Variants in PTPRD observed in about 807,000 individuals in gnomAD.
The protein encoded by PTPRD is receptor-type tyrosine-protein phosphatase delta.
A neutral mutation model predicts 214.5 loss-of-function variants in PTPRD; 34 were observed. That is an observed-to-expected ratio of 0.16 (90% CI 0.12 to 0.21). The LOEUF is 0.21. PTPRD is among the 10% of genes least tolerant of loss of function. The pLI is 1.00. For missense variants in PTPRD, 2,545 were observed against 2,398.7 expected, an observed-to-expected ratio of 1.06 and a Z score of -1.27; for synonymous variants, 1,128 against 845.7, an observed-to-expected ratio of 1.33 and a Z score of -5.79.
In PTPRD at chr9:9,317,459, C is replaced by G. The variant is rs145621862; in HGVS notation, c.-203+79990G>C. ...GGTGAATGCAAGTGCCCTAGGCTTT[C>G]TTTTAACTCCTTTCCACAATTAGGG... On this transcript the variant is annotated intron_variant, in intron 9 of 45. Transcript: ENST00000381196. Among the ~76,000 whole-genome samples the G allele has an allele frequency of 4.9e-3, 751 of 152,192 alleles. 4 individuals carry two copies. Among genetic ancestry groups the G allele is most frequent in the African/African-American group, 0.017 (716 of 41,542 alleles).
At chr9:10,186,530 C>T (rs989676310) in intron 3 of PTPRD, among the ~76,000 whole-genome samples, 3 of 152,038 alleles carry the variant, frequency 2.0e-5, no homozygotes, top group Admixed American at 1.3e-4. Context: ...TTTACGAATC[C>T]TCCCCTAAAC....
intron 12 of PTPRD, among the ~76,000 whole-genome samples, chr9:8,680,099 G>A (rs996809459): frequency 6.6e-6 from 1 of 151,590 alleles, no homozygotes; most frequent in African/African-American, 2.4e-5. Flanking sequence ...TGTTTCTACT[G>A]CATAATTACA....
intron 8 of PTPRD, among the ~76,000 whole-genome samples, chr9:9,498,822 C>T (rs1199409601): frequency 3.3e-5 from 5 of 152,056 alleles, no homozygotes; most frequent in African/African-American, 9.7e-5. Context: ...ACAAAAATTA[C>T]CCAATTAGAA....
chr9:9,412,799 G>T (rs1247435245), intron 8 of PTPRD, among the ~76,000 whole-genome samples: 1 of 152,104 alleles, frequency 6.6e-6, no homozygotes, highest in African/African-American at 2.4e-5. Context: ...TGATAAGACA[G>T]TCTAATAAAT....
intron 12 of PTPRD, among the ~76,000 whole-genome samples, chr9:8,639,667 G>A (rs1027397812): frequency 4.6e-5 from 7 of 152,180 alleles, no homozygotes; most frequent in Non-Finnish European, 1.5e-5. Flanking sequence ...AGAAGAGTTG[G>A]CAATTCTGAC....
intron 3 of PTPRD, among the ~76,000 whole-genome samples, chr9:10,225,211 AGT>A (rs2099584913): frequency 1.3e-5 from 2 of 151,882 alleles, no homozygotes; most frequent in Admixed American, 1.3e-4. Context: ...AGTAGTTTAT[AGT>A]AAAAAGATAT....
intron 11 of PTPRD, among the ~76,000 whole-genome samples, chr9:8,915,791 G>C (rs2098781583): frequency 6.6e-6 from 1 of 152,248 alleles, no homozygotes; most frequent in South Asian, 2.1e-4. Flanking sequence ...GATTGGATGA[G>C]GCACATCCAC....
chr9:9,950,362 G>T (rs2093327517), intron 4 of PTPRD, among the ~76,000 whole-genome samples: 1 of 152,138 alleles, frequency 6.6e-6, no homozygotes, highest in African/African-American at 2.4e-5. Flanking sequence ...TAGGGAAGCT[G>T]GTGGAGAAAT....
At chr9:10,524,157 C>A (rs891627853) in intron 2 of PTPRD, among the ~76,000 whole-genome samples, 8 of 152,018 alleles carry the variant, frequency 5.3e-5, no homozygotes, top group Admixed American at 4.6e-4. Flanking sequence ...GGCCTCATCT[C>A]CAGATGCAGT....
At chr9:9,681,366 T>A (rs998049703) in intron 7 of PTPRD, among the ~76,000 whole-genome samples, 1 of 151,724 alleles carries the variant, frequency 6.6e-6, no homozygotes, top group Non-Finnish European at 1.5e-5. Context: ...TGAATGGATA[T>A]CATTCTCCCT....
chr9:10,236,400 C>G (rs559827127), intron 3 of PTPRD, among the ~76,000 whole-genome samples: 1 of 152,084 alleles, frequency 6.6e-6, no homozygotes, highest in East Asian at 1.9e-4. Flanking sequence ...TGGATGACTT[C>G]TGACAGGAAT....
chr9:9,394,046 C>T lies in PTPRD; in HGVS notation c.-203+3403G>A, dbSNP rs557291728. 6.6e-5 allele frequency among the ~76,000 whole-genome samples: 10 copies of T among 152,216 alleles called. 2 individuals carry two copies. The South Asian group carries it at 1.9e-3, about 28-fold the overall frequency. On this transcript the variant is annotated intron_variant, in intron 9 of 45. Coordinates refer to ENST00000381196, the MANE Select transcript of PTPRD (RefSeq NM_002839.4). Reference sequence around the variant, plus strand: ...TTAAGACATTTTTAAACCATACATACACACAAAACTTTAATTTTTTAAACC... The same window carrying T: ...TTAAGACATTTTTAAACCATACATATACACAAAACTTTAATTTTTTAAACC...
intron 3 of PTPRD, among the ~76,000 whole-genome samples, chr9:10,189,309 A>G (rs900643555): frequency 1.3e-5 from 2 of 152,138 alleles, no homozygotes; most frequent in African/African-American, 4.8e-5. Flanking sequence ...TCTCATAAAC[A>G]TATGTGGAGT....
At chr9:10,546,554 G>A (rs2060214469) in intron 2 of PTPRD, among the ~76,000 whole-genome samples, 1 of 151,844 alleles carries the variant, frequency 6.6e-6, no homozygotes, top group Admixed American at 6.6e-5. Flanking sequence ...TTAGTTAAAA[G>A]TGAGGAAAGA....
rs554456072 is a variant in PTPRD, at chr9:9,175,743, A to G, written c.-143+7561T>C. Among the ~76,000 whole-genome samples, 80 of 152,018 alleles carry G rather than the reference A, an allele frequency of 5.3e-4. No individual in the cohort carries two copies. In the South Asian group the frequency reaches 7.3e-3, roughly 14 times the overall value. The stretch of plus-strand genomic sequence containing the variant: ...TTGTGTGATCCGATTGTATTACTCC[A>G]TATTTCTACCGGCCCAAGTACCTCT... On this transcript the variant is annotated intron_variant, in intron 10 of 45. Transcript: ENST00000381196.
At chr9:9,853,679 G>A (rs1444853108) in intron 5 of PTPRD, among the ~76,000 whole-genome samples, 1 of 152,024 alleles carries the variant, frequency 6.6e-6, no homozygotes, top group Non-Finnish European at 1.5e-5. Flanking sequence ...CTCCTGAGTA[G>A]TTGGGACTAC....
intron 7 of PTPRD, among the ~76,000 whole-genome samples, chr9:9,713,130 T>C (rs965685616): frequency 3.3e-4 from 44 of 132,522 alleles, no homozygotes; most frequent in Non-Finnish European, 2.6e-4. Context: ...ATATCCACCT[T>C]TGGTTTTTTA....
intron 12 of PTPRD, among the ~76,000 whole-genome samples, chr9:8,720,421 C>T (rs376064044): frequency 2.6e-5 from 4 of 152,194 alleles, no homozygotes; most frequent in African/African-American, 9.7e-5. Flanking sequence ...AGGGGACTAA[C>T]CCACATTCAA....
chr9:10,154,749 G>C (rs924203347), intron 3 of PTPRD, among the ~76,000 whole-genome samples: 2 of 134,292 alleles, frequency 1.5e-5, no homozygotes, highest in African/African-American at 6.3e-5. Context: ...TTGAAGATCA[G>C]ATGGCTGTAG....
Sources: allele counts gnomAD v4.1 joint callset (sites outside exome capture counted in the v4.1 genomes callset), GRCh38; gene constraint gnomAD v4.1.1; transcripts MANE v1.5; gene names NCBI Gene and HGNC (gene_info 2026-07-23, HGNC 2026-07-21).